Variants in RFX3 observed in about 807,000 individuals in gnomAD.
The protein encoded by RFX3 is transcription factor RFX3.
RFX3 carries 14 observed loss-of-function variants against 98.6 expected under a neutral mutation model. The ratio of observed to expected loss-of-function variants is 0.14; its 90% CI spans 0.09 to 0.22. The LOEUF is 0.22. RFX3 is among the 10% of genes least tolerant of loss of function. RFX3 has a pLI of 1.00. For missense variants in RFX3, 639 were observed against 926.9 expected, an observed-to-expected ratio of 0.69 and a Z score of 4.03; for synonymous variants, 383 against 328.4, an observed-to-expected ratio of 1.17 and a Z score of -1.80.
chr9:3,376,675 A>C (rs35244433), intron 2 of RFX3, among the ~76,000 whole-genome samples: 28,576 of 151,664 alleles, frequency 0.19, 4,820 homozygotes, highest in African/African-American at 0.46. Flanking sequence ...AATGGGAGAA[A>C]ATTTTTGCAA....
At chr9:3,273,634 C>T (rs1278996645) in intron 9 of RFX3, among the ~76,000 whole-genome samples, 4 of 151,930 alleles carry the variant, frequency 2.6e-5, no homozygotes, top group East Asian at 3.9e-4. Flanking sequence ...GAGGCTGAAG[C>T]GGGTGGATCA....
At chr9:3,233,995 T>C (rs947970756) in intron 15 of RFX3, among the ~76,000 whole-genome samples, 10 of 152,324 alleles carry the variant, frequency 6.6e-5, no homozygotes, top group Admixed American at 2.6e-4. Flanking sequence ...AAAAATTGCA[T>C]CTTACAGAAA....
At chr9:3,394,326 G>GCA (rs1840633510) in intron 2 of RFX3, among the ~76,000 whole-genome samples, 2 of 152,092 alleles carry the variant, frequency 1.3e-5, no homozygotes, top group Non-Finnish European at 2.9e-5. Flanking sequence ...AGCCAGGCGT[G>GCA]GTGGCAGGCA....
intron 15 of RFX3, among the ~76,000 whole-genome samples, chr9:3,244,128 G>A (rs1820319227): frequency 2.0e-5 from 3 of 151,454 alleles, no homozygotes; most frequent in African/African-American, 7.3e-5. Flanking sequence ...TCAGCCTCCC[G>A]AGTAGCTGGG....
intron 10 of RFX3, 161 bp from the exon 11 acceptor site, chr9:3,270,686 A>T: frequency 1.4e-6 from 1 of 709,528 alleles, no homozygotes; most frequent in Non-Finnish European, 2.3e-6. Context: ...AGAGAGACAG[A>T]CAGATATATA....
intron 1 of RFX3, among the ~76,000 whole-genome samples, chr9:3,504,379 T>C (rs1307498679): frequency 7.3e-6 from 1 of 136,702 alleles, no homozygotes; most frequent in African/African-American, 2.9e-5. Context: ...ATATATTATA[T>C]ACCACATAGC....
chr9:3,403,926 T>C (rs1841717360), intron 1 of RFX3, among the ~76,000 whole-genome samples: 1 of 152,176 alleles, frequency 6.6e-6, no homozygotes, highest in Admixed American at 6.5e-5. Flanking sequence ...AGTGTTCCTC[T>C]AGATTATCTT....
intron 1 of RFX3, among the ~76,000 whole-genome samples, chr9:3,461,847 A>T (rs1847715622): frequency 6.6e-6 from 1 of 152,012 alleles, no homozygotes; most frequent in Non-Finnish European, 1.5e-5. Flanking sequence ...ATACCTAAAT[A>T]AGCTATTTTA....
chr9:3,519,113 A>G (rs1459169022), intron 1 of RFX3, among the ~76,000 whole-genome samples: 1 of 152,230 alleles, frequency 6.6e-6, no homozygotes, highest in Non-Finnish European at 1.5e-5. Context: ...TGAACTGGAC[A>G]ATGGGAGTAT....
intron 1 of RFX3, among the ~76,000 whole-genome samples, chr9:3,416,910 A>G (rs1843032730): frequency 6.6e-6 from 1 of 152,192 alleles, no homozygotes; most frequent in East Asian, 1.9e-4. Context: ...ATTAAATAAA[A>G]TTTAAACACA....
At chr9:3,380,399 T>C (rs999668016) in intron 2 of RFX3, among the ~76,000 whole-genome samples, 3 of 152,192 alleles carry the variant, frequency 2.0e-5, no homozygotes, top group Non-Finnish European at 4.4e-5. Flanking sequence ...CTTTATGTCA[T>C]CTTCTGTTTA....
intron 1 of RFX3, among the ~76,000 whole-genome samples, chr9:3,477,412 C>G (rs926978357): frequency 6.6e-6 from 1 of 152,112 alleles, no homozygotes. Context: ...TATTTGGAAA[C>G]GTCTTAATTT....
chr9:3,257,268 A>G lies in RFX3; in HGVS notation c.1606-69T>C, dbSNP rs73642625. 312 of 1,275,724 alleles carry G rather than the reference A, an allele frequency of 2.4e-4. No individual in the cohort carries two copies. In the African/African-American group the frequency reaches 3.4e-3, roughly 14 times the overall value. The allele number at this position is 1,275,724 out of a possible 1,614,324, so 79.0% of individuals were successfully genotyped here. ...ATCCTTTCATTGAATGCCAGCACAC[A>G]CACTAGATGCAAGAACAGAAAATTA... On this transcript the variant is annotated intron_variant, in intron 13 of 16. Coordinates refer to ENST00000617270, the MANE Select transcript of RFX3 (RefSeq NM_001282116.2).
At chr9:3,248,312 A>G in intron 14 of RFX3, 127 bp from the exon 15 acceptor site, 1 of 1,193,372 alleles carries the variant, frequency 8.4e-7, no homozygotes, top group Non-Finnish European at 1.1e-6. Flanking sequence ...AAAACCTGCC[A>G]TGAAAGCATT....
At chr9:3,369,559 T>C (rs963130110) in intron 2 of RFX3, among the ~76,000 whole-genome samples, 4 of 152,236 alleles carry the variant, frequency 2.6e-5, no homozygotes, top group African/African-American at 9.7e-5. Context: ...TCCACCCATA[T>C]GCTATTTTAC....
chr9:3,242,904 T>C (rs1820151149), intron 15 of RFX3, among the ~76,000 whole-genome samples: 1 of 151,960 alleles, frequency 6.6e-6, no homozygotes, highest in Non-Finnish European at 1.5e-5. Flanking sequence ...GGCTTAGACA[T>C]AATATTAAGT....
intron 8 of RFX3, among the ~76,000 whole-genome samples, chr9:3,276,428 A>G (rs1363924860): frequency 1.3e-5 from 2 of 152,100 alleles, no homozygotes; most frequent in Non-Finnish European, 2.9e-5. Context: ...TATGGAAACT[A>G]AAATTGCAGA....
intron 2 of RFX3, among the ~76,000 whole-genome samples, chr9:3,377,338 G>A (rs533087249): frequency 1.2e-4 from 19 of 152,144 alleles, no homozygotes; most frequent in South Asian, 4.2e-4. Flanking sequence ...GCAAACTATC[G>A]CAGGGACAAA....
At chr9:3,444,682 G>T (rs1845886777) in intron 1 of RFX3, among the ~76,000 whole-genome samples, 1 of 152,184 alleles carries the variant, frequency 6.6e-6, no homozygotes, top group South Asian at 2.1e-4. Flanking sequence ...AGGAATCCTG[G>T]CATTTGCCAA....
Sources: gnomAD v4.1 joint callset for allele counts (sites outside exome capture counted in the v4.1 genomes callset) on GRCh38, gnomAD v4.1.1 for gene constraint, MANE v1.5 for transcripts, NCBI Gene and HGNC (gene_info 2026-07-23, HGNC 2026-07-21) for gene names.